Variants in MACROD2 observed in about 807,000 individuals in gnomAD.
MACROD2 encodes mono-ADP ribosylhydrolase 2.
In MACROD2, 36 loss-of-function variants were observed where a neutral mutation model predicts 70.4. That is an observed-to-expected ratio of 0.51 (90% CI 0.39 to 0.68). MACROD2 has a LOEUF of 0.68. MACROD2 is among the 30% of genes least tolerant of loss of function. MACROD2 has a pLI of 0.00. For missense variants in MACROD2, 496 were observed against 538.4 expected (o/e 0.92, Z 0.78); for synonymous variants, 172 against 178.8 (o/e 0.96, Z 0.30).
chr20:15,074,801 T>G (rs976354890), intron 5 of MACROD2, among the ~76,000 whole-genome samples: 1 of 152,172 alleles, frequency 6.6e-6, no homozygotes, highest in Non-Finnish European at 1.5e-5. Flanking sequence ...GGGTAGAGAA[T>G]AGAAAACACA....
intron 5 of MACROD2, among the ~76,000 whole-genome samples, chr20:15,194,079 C>T (rs182118217): frequency 5.2e-4 from 79 of 151,778 alleles, no homozygotes; most frequent in African/African-American, 1.9e-3. Context: ...AACCCTGTCT[C>T]TACCAAATAT....
At chr20:15,950,503 C>A (rs1436956196) in intron 12 of MACROD2, among the ~76,000 whole-genome samples, 2 of 152,072 alleles carry the variant, frequency 1.3e-5, no homozygotes, top group Admixed American at 1.3e-4. Context: ...GCTTCTTTAA[C>A]CCTGTCAAAA....
At chr20:14,706,813 G>A (rs940956612) in intron 5 of MACROD2, among the ~76,000 whole-genome samples, 1 of 151,980 alleles carries the variant, frequency 6.6e-6, no homozygotes, top group African/African-American at 2.4e-5. Context: ...GGGCACAATT[G>A]CCGAAAGGTT....
At chr20:15,390,910 A>G (rs1448268518) in intron 6 of MACROD2, among the ~76,000 whole-genome samples, 1 of 152,212 alleles carries the variant, frequency 6.6e-6, no homozygotes, top group African/African-American at 2.4e-5. Context: ...GTTCTCCATC[A>G]CACTTCCTAA....
At chr20:14,429,535 G>A (rs998438644) in intron 3 of MACROD2, among the ~76,000 whole-genome samples, 3 of 152,154 alleles carry the variant, frequency 2.0e-5, no homozygotes, top group African/African-American at 4.8e-5. Context: ...CCTTAAACAT[G>A]TGTTGGAAGT....
intron 8 of MACROD2, among the ~76,000 whole-genome samples, chr20:15,506,761 T>C (rs2047430791): frequency 6.6e-6 from 1 of 152,232 alleles, no homozygotes; most frequent in Admixed American, 6.5e-5. Flanking sequence ...TTTACACTTA[T>C]GCAAAAGGCA....
intron 5 of MACROD2, among the ~76,000 whole-genome samples, chr20:15,080,684 A>G (rs1193077769): frequency 6.6e-6 from 1 of 152,068 alleles, no homozygotes; most frequent in Non-Finnish European, 1.5e-5. Context: ...AGACTCATTC[A>G]TGCACTTGTC....
At chr20:14,272,559 A>G (rs1376332388) in intron 3 of MACROD2, among the ~76,000 whole-genome samples, 4 of 152,200 alleles carry the variant, frequency 2.6e-5, no homozygotes, top group African/African-American at 9.7e-5. Context: ...TGTAAAGACC[A>G]TCGAGACTAG....
At chr20:15,168,841 C>A (rs1433358803) in intron 5 of MACROD2, among the ~76,000 whole-genome samples, 8 of 152,016 alleles carry the variant, frequency 5.3e-5, no homozygotes, top group Admixed American at 6.6e-5. Context: ...AAATGAAATT[C>A]TGATATATGC....
At chr20:14,904,377 T>C (rs2122563894) in intron 5 of MACROD2, among the ~76,000 whole-genome samples, 1 of 152,330 alleles carries the variant, frequency 6.6e-6, no homozygotes, top group Admixed American at 6.5e-5. Context: ...ATATCTTTTA[T>C]GATAGAACTA....
At chr20:14,743,427 A>G (rs542308059) in intron 5 of MACROD2, among the ~76,000 whole-genome samples, 1 of 152,218 alleles carries the variant, frequency 6.6e-6, no homozygotes, top group East Asian at 1.9e-4. Flanking sequence ...TCAGACAGAG[A>G]TGTGCCTGAA....
chr20:15,050,636 G>A (rs546422705), intron 5 of MACROD2, among the ~76,000 whole-genome samples: 272 of 145,756 alleles, frequency 1.9e-3, no homozygotes, highest in Middle Eastern at 3.8e-3. Flanking sequence ...CCGCCTCCTG[G>A]GTTCACGCTA....
chr20:14,579,133 T>C (rs1004567618), intron 4 of MACROD2, among the ~76,000 whole-genome samples: 1 of 134,040 alleles, frequency 7.5e-6, no homozygotes, highest in East Asian at 2.2e-4. Flanking sequence ...AATTCTTTTT[T>C]TTTTTTTTTT....
In MACROD2 at chr20:15,823,275, C is replaced by CGTGTGTGT. The variant is rs11471023; in HGVS notation, c.646-39431_646-39424dup. ...ATAAGATAGCAGCAGGTGAGCTCTT[C>CGTGTGTGT]GTGTGTGTGTGTGTGTGTGTGTGTG... On this transcript the variant is annotated intron_variant, in intron 8 of 17. Coordinates refer to ENST00000684519, the MANE Select transcript of MACROD2 (RefSeq NM_001351661.2). 3.8e-3 allele frequency among the ~76,000 whole-genome samples: 490 copies of CGTGTGTGT among 128,710 alleles called. 2 individuals carry two copies. Among genetic ancestry groups the CGTGTGTGT allele is most frequent in the Middle Eastern group, 0.017 (4 of 230 alleles). The allele number at this position is 128,710 out of a possible 152,430, so 84.4% of individuals were successfully genotyped here.
chr20:14,852,546 T>C (rs1364667927), intron 5 of MACROD2, among the ~76,000 whole-genome samples: 2 of 151,988 alleles, frequency 1.3e-5, no homozygotes, highest in Non-Finnish European at 2.9e-5. Context: ...GGATCCTCAT[T>C]TTGGAGAGCC....
intron 8 of MACROD2, among the ~76,000 whole-genome samples, chr20:15,542,890 C>T (rs188578156): frequency 4.6e-5 from 7 of 152,262 alleles, no homozygotes; most frequent in African/African-American, 9.6e-5. Context: ...CCACGTCCTA[C>T]GCAGCACAAC....
At chr20:16,026,880 C>A (rs1385532836) in intron 15 of MACROD2, among the ~76,000 whole-genome samples, 1 of 152,156 alleles carries the variant, frequency 6.6e-6, no homozygotes, top group African/African-American at 2.4e-5. Flanking sequence ...TAGCCAAAGT[C>A]ATCTGGCTGA....
chr20:15,642,607 CA>C (rs2049478214), intron 8 of MACROD2, among the ~76,000 whole-genome samples: 3 of 83,674 alleles, frequency 3.6e-5, no homozygotes, highest in African/African-American at 2.6e-4. Context: ...AACACACACA[CA>C]CACACACACA....
chr20:15,362,021 TTC>T (rs2078357625), intron 6 of MACROD2, among the ~76,000 whole-genome samples: 1 of 151,662 alleles, frequency 6.6e-6, no homozygotes, highest in Non-Finnish European at 1.5e-5. Context: ...TTTTTTTTTT[TTC>T]TTTTTTGAGA....
Sources: allele counts gnomAD v4.1 joint callset (sites outside exome capture counted in the v4.1 genomes callset), GRCh38; gene constraint gnomAD v4.1.1; transcripts MANE v1.5; gene names NCBI Gene and HGNC (gene_info 2026-07-23, HGNC 2026-07-21).